The following PPP6R1 variants were observed in gnomAD, a reference collection of about 807,000 sequenced individuals.
PPP6R1 encodes the protein protein phosphatase 6 regulatory subunit 1, also known as serine/threonine-protein phosphatase 6 regulatory subunit 1.
PPP6R1 carries 39 observed loss-of-function variants against 104.6 expected under a neutral mutation model. That is an observed-to-expected ratio of 0.37 (90% CI 0.29 to 0.49). PPP6R1 has a LOEUF of 0.49. Ranked by LOEUF, PPP6R1 falls within the 20% of genes least tolerant of loss-of-function variation. The probability of loss-of-function intolerance (pLI) is 0.98; values close to 1 mark genes in which losing one functional copy is unlikely to be tolerated. For missense variants in PPP6R1, 1,181 were observed against 1,155.8 expected (o/e 1.02, Z -0.32); for synonymous variants, 549 against 479.0 (o/e 1.15, Z -1.91).
chr19:55,240,798 A>G (rs2122614486), intron 10 of PPP6R1, 147 bp downstream of exon 10: 1 of 1,184,410 alleles, frequency 8.4e-7, no homozygotes, highest in Non-Finnish European at 1.2e-6. Context: ...CTCCCTGGCC[A>G]TGCCTCCCAC....
At chr19:55,242,522 C>G in intron 5 of PPP6R1, 34 bp from the exon 6 acceptor site, 6 of 1,558,386 alleles carry the variant, frequency 3.9e-6, no homozygotes, top group Non-Finnish European at 5.3e-6. Flanking sequence ...GGATCCTGGT[C>G]GGGCCACCGG....
At position 55,230,353 on chromosome 19, in the gene PPP6R1, T is replaced by G. The variant is rs2087328719; in HGVS notation, c.*175A>C. 1.2e-6 allele frequency: 1 copy of G among 839,892 alleles called. No homozygotes were observed. The highest frequency in any genetic ancestry group is 1.7e-5 in the South Asian group (1 of 59,016). 52.0% of individuals were successfully genotyped at this position (839,892 alleles called of 1,614,324 possible). A position where few individuals can be genotyped will look rare whatever the true frequency, so the allele number is the denominator to read the frequency against. ...CCAAAACTTCTCTTCTCAGTGCAAA[T>G]GGGGGTGGGTTGGGCCTGTCTCCCT... On this transcript the variant is annotated 3_prime_UTR_variant, in exon 24 of 24. Coordinates refer to ENST00000412770, the MANE Select transcript of PPP6R1 (RefSeq NM_014931.4).
intron 1 of PPP6R1, among the ~76,000 whole-genome samples, chr19:55,248,764 A>G (rs891272555): frequency 6.6e-6 from 1 of 152,244 alleles, no homozygotes. Flanking sequence ...AAGAGACTTC[A>G]TCGGAGCTTA....
At chr19:55,228,491 G>T (rs2087307069), downstream of PPP6R1, 1 of 1,598,340 alleles carries the variant, frequency 6.3e-7, no homozygotes, top group African/African-American at 1.3e-5. Flanking sequence ...CCCATTCTTG[G>T]GACTCAGATC....
chr19:55,239,145 C>A lies in PPP6R1; in HGVS notation c.1751+260G>T, dbSNP rs2087425256. 8.1e-6 allele frequency: 4 copies of A among 495,544 alleles called. No homozygotes were observed. The South Asian group carries it at 8.2e-5, about 10-fold the overall frequency. The allele number at this position is 495,544 out of a possible 1,614,324, so 30.7% of individuals were successfully genotyped here. On this transcript the variant is annotated intron_variant, in intron 15 of 23. Transcript: ENST00000412770. ...AGGGACCCGCTCTGTGTCCCCAGCACAGAAGATGTTTGTGCCCCACCCTCA... is the reference window on the plus strand; with the variant it reads ...AGGGACCCGCTCTGTGTCCCCAGCAAAGAAGATGTTTGTGCCCCACCCTCA...
intron 15 of PPP6R1, among the ~76,000 whole-genome samples, chr19:55,238,042 T>C (rs2087414753): frequency 6.6e-6 from 1 of 152,016 alleles, no homozygotes; most frequent in Admixed American, 6.5e-5. Context: ...TTCATTCTCC[T>C]GCCAGGGTGG....
chr19:55,240,434 G>A, intron 10 of PPP6R1, 134 bp from the exon 11 acceptor site: 2 of 871,698 alleles, frequency 2.3e-6, no homozygotes, highest in East Asian at 2.8e-5. Flanking sequence ...GGGATGGGAA[G>A]GAGGGATGCA....
rs752562260 is a variant in PPP6R1, at chr19:55,241,199, C to T, written c.1161+40G>A. 6.7e-7 allele frequency: 1 copy of T among 1,503,600 alleles called. No individual in the cohort carries two copies. Among genetic ancestry groups the T allele is most frequent in the South Asian group, 1.3e-5 (1 of 77,994 alleles). The allele number at this position is 1,503,600 out of a possible 1,614,324, so 93.1% of individuals were successfully genotyped here. On this transcript the variant is annotated intron_variant, in intron 9 of 23. Coordinates refer to ENST00000412770, the MANE Select transcript of PPP6R1 (RefSeq NM_014931.4). The surrounding 1 kb of genome is among the most constrained non-coding windows in gnomAD (Gnocchi z 5.4). ...AACCCTCAGCCCAGTCCAGTCCCCG[C>T]CCCAGCCCCTGAACCCCCAGCCCGG...
At chr19:55,236,464 T>G in intron 17 of PPP6R1, 179 bp downstream of exon 17, 1 of 688,956 alleles carries the variant, frequency 1.5e-6, no homozygotes, top group Non-Finnish European at 2.3e-6. Context: ...CCCACCATGC[T>G]TGGCCTTGAA....
At chr19:55,242,543 G>C in intron 5 of PPP6R1, 55 bp from the exon 6 acceptor site, 1 of 1,464,674 alleles carries the variant, frequency 6.8e-7, no homozygotes, top group African/African-American at 1.4e-5. Flanking sequence ...GCCCTCTGCA[G>C]CCTGGTGCTG....
Position 55,236,906 on chromosome 19 carries a change from T to C in PPP6R1, c.1809+7A>G. On this transcript the variant is annotated splice_region_variant and intron_variant, in intron 16 of 23. Transcript: ENST00000412770. ...CCGCCACAACCAGGGGACAGGGCAG[T>C]ACTCACGTTCTCATCGTCAGCATTG... 15 of 1,612,704 alleles carry C rather than the reference T, an allele frequency of 9.3e-6. No homozygotes were observed. Among genetic ancestry groups the C allele is most frequent in the Non-Finnish European group, 1.3e-5 (15 of 1,178,670 alleles).
chr19:55,241,660 AG>A lies in PPP6R1; in HGVS notation c.846-22del. On this transcript the variant is annotated intron_variant, in intron 7 of 23. Coordinates refer to ENST00000412770, the MANE Select transcript of PPP6R1 (RefSeq NM_014931.4). The surrounding 1 kb of genome is among the most constrained non-coding windows in gnomAD (Gnocchi z 5.4). ...CGGACCTGCAGCAGGGCAGGGTCGA[AG>A]GCGGAGTGAGCCTAGATGGCCTGTG... The A allele has an allele frequency of 1.3e-6, 2 of 1,543,532 alleles. No homozygotes were observed. Among genetic ancestry groups the A allele is most frequent in the Non-Finnish European group, 1.7e-6 (2 of 1,144,016 alleles).
At position 55,242,242 on chromosome 19, in the gene PPP6R1, C is replaced by G. The variant is rs1323972622; in HGVS notation, c.769G>C (p.Glu257Gln). The G allele has an allele frequency of 6.2e-7, 1 of 1,613,966 alleles. No individual in the cohort carries two copies. Among genetic ancestry groups the G allele is most frequent in the Non-Finnish European group, 8.5e-7 (1 of 1,179,894 alleles). The change falls in exon 7 of 24, where the codon GAG (glutamate) becomes CAG (glutamine). Residue 257 changes from glutamate to glutamine, a missense_variant. Glu to Gln is a conservative substitution (Grantham distance 29, BLOSUM62 2). Coordinates refer to ENST00000412770, the MANE Select transcript of PPP6R1 (RefSeq NM_014931.4). ...ATGACAGACTGGCTCTGCTCCCCCT[C>G]GAACATGTTGCTTAAGAGCTGCTCA... ...TIEQLLSNMF[E>Q]GEQSQSVIVS...
intron 15 of PPP6R1, among the ~76,000 whole-genome samples, chr19:55,238,445 C>T (rs1242731468): frequency 6.6e-6 from 1 of 152,196 alleles, no homozygotes; most frequent in Non-Finnish European, 1.5e-5. Context: ...ATCCAGCTCC[C>T]ACACACTAAC....
At chr19:55,228,487 C>A, downstream of PPP6R1, 1 of 1,600,322 alleles carries the variant, frequency 6.2e-7, no homozygotes, top group Non-Finnish European at 8.5e-7. Flanking sequence ...AGCCCCCATT[C>A]TTGGGACTCA....
rs1319234452 is a variant in PPP6R1 at position 55,230,258 on chromosome 19, A to T, written c.*270T>A. ...TCTCCTCCCTCTCTCTATATAATAT[A>T]TAATATATGTTTCTCTCTCTCCATT... On this transcript the variant is annotated 3_prime_UTR_variant, in exon 24 of 24. Transcript: ENST00000412770. 1.8e-6 allele frequency: 1 copy of T among 542,990 alleles called. No individual in the cohort carries two copies. Among genetic ancestry groups the T allele is most frequent in the African/African-American group, 1.9e-5 (1 of 52,780 alleles). The allele number at this position is 542,990 out of a possible 1,614,324, so 33.6% of individuals were successfully genotyped here.
chr19:55,234,793 G>T (rs1014643291), intron 17 of PPP6R1, among the ~76,000 whole-genome samples: 4 of 152,170 alleles, frequency 2.6e-5, no homozygotes, highest in African/African-American at 9.7e-5. Context: ...CACACAACAG[G>T]GAAGGAGCTC....
intron 7 of PPP6R1, 108 bp downstream of exon 7, chr19:55,242,058 G>A: frequency 9.6e-7 from 1 of 1,036,518 alleles, no homozygotes; most frequent in Non-Finnish European, 1.4e-6. Flanking sequence ...ACAGAGCAAG[G>A]TGCCACGGGC....
Position 55,241,521 on chromosome 19 carries a change from G to A in PPP6R1, c.964C>T (p.Pro322Ser). The A allele has an allele frequency of 6.3e-7, 1 of 1,585,800 alleles. No individual in the cohort carries two copies. Among genetic ancestry groups the A allele is most frequent in the Non-Finnish European group, 8.6e-7 (1 of 1,166,996 alleles). ...SSVGALHALR[P>S]RLSCFHQLLL... ...AGCTGGTGGAAGCAGCTGAGCCGCG[G>A]GCGTAGGGCGTGCAAGGCGCCCACA... is the stretch of plus-strand genomic sequence containing the variant. Residue 322 changes from proline (P) to serine (S), a missense_variant, in exon 8 of 24, where the codon CCG becomes TCG. This residue lies in a region of PPP6R1 where 1,042 missense variants were observed against 955.6 expected (regional missense o/e 1.09). Transcript: ENST00000412770. This position sits in a 1 kb window ranked among gnomAD's most constrained non-coding sequence, Gnocchi z 5.4.
Sources: gnomAD v4.1 joint callset for allele counts (sites outside exome capture counted in the v4.1 genomes callset) on GRCh38, gnomAD v4.1.1 for gene constraint, gnomAD v4.1.1 regional missense constraint, Gnocchi (gnomAD v3.1) non-coding constraint, MANE v1.5 for transcripts, NCBI Gene and HGNC (gene_info 2026-07-23, HGNC 2026-07-21) for gene names.